Variants in DDX10 observed in about 807,000 individuals in gnomAD.
DDX10 encodes the protein probable ATP-dependent RNA helicase DDX10.
DDX10 carries 74 observed loss-of-function variants against 104.3 expected under a neutral mutation model. That is an observed-to-expected ratio of 0.71 (90% CI 0.59 to 0.86). DDX10 has a LOEUF of 0.86. Among genes scored for constraint, DDX10 ranks in the 40% least tolerant of loss-of-function variants. The pLI, the probability that DDX10 is intolerant of heterozygous loss-of-function variation, is 0.00. For missense variants in DDX10, 952 were observed against 1,040.0 expected (o/e 0.92, Z 1.16); for synonymous variants, 351 against 353.4 (o/e 0.99, Z 0.08).
intron 14 of DDX10, among the ~76,000 whole-genome samples, chr11:108,840,704 G>A (rs1183618734): frequency 1.3e-5 from 2 of 152,094 alleles, no homozygotes; most frequent in African/African-American, 4.8e-5. Flanking sequence ...CTCCTTTTCA[G>A]TTAGTTATTT....
intron 13 of DDX10, among the ~76,000 whole-genome samples, chr11:108,743,701 G>C (rs1380889439): frequency 1.3e-5 from 2 of 152,122 alleles, no homozygotes; most frequent in Non-Finnish European, 2.9e-5. Context: ...AAGGGTGTGC[G>C]TGCTAATTAC....
chr11:108,697,268 T>G (rs950595484), intron 9 of DDX10, among the ~76,000 whole-genome samples: 1 of 150,212 alleles, frequency 6.7e-6, no homozygotes, highest in Non-Finnish European at 1.5e-5. Flanking sequence ...TTGCCAATAA[T>G]GGGCTTAAAG....
chr11:108,805,626 A>G (rs1285290020), intron 13 of DDX10, among the ~76,000 whole-genome samples: 1 of 151,982 alleles, frequency 6.6e-6, no homozygotes, highest in Non-Finnish European at 1.5e-5. Flanking sequence ...CTTGTGTTAC[A>G]TTGCTGAGTT....
chr11:108,834,339 A>G (rs1395302337), intron 13 of DDX10, among the ~76,000 whole-genome samples: 2 of 152,066 alleles, frequency 1.3e-5, no homozygotes, highest in Non-Finnish European at 1.5e-5. Flanking sequence ...TAAGTTGCCA[A>G]TATCATTACA....
Position 108,838,484 on chromosome 11 carries a change from G to A in DDX10, c.2004G>A (p.Met668Ile), listed in dbSNP as rs755076845. 1.2e-6 allele frequency: 2 copies of A among 1,612,518 alleles called. No individual in the cohort carries two copies. Among genetic ancestry groups the A allele is most frequent in the African/African-American group, 2.7e-5 (2 of 74,844 alleles). The part of the protein sequence containing the change: ...EPSKSSIKKK[M>I]TKVAEAKKVM... ...CTAAATCCAGCATCAAGAAAAAAAT[G>A]ACCAAAGTTGCAGAAGCAAAAAAAG... The change falls in exon 14 of 18, where the codon ATG becomes ATA. Residue 668 changes from methionine (M) to isoleucine (I), a missense_variant. Physicochemically the swap from Met to Ile is conservative, Grantham distance 10. Around this residue, in one of 3 missense-constraint regions of DDX10, gnomAD observed 533 missense variants for 534.1 expected, o/e 1.00. Transcript: ENST00000322536.
At chr11:108,840,887 A>G (rs1315896851) in intron 14 of DDX10, among the ~76,000 whole-genome samples, 3 of 152,176 alleles carry the variant, frequency 2.0e-5, no homozygotes, top group Non-Finnish European at 2.9e-5. Context: ...ACGCAGTGCA[A>G]TGAACTTTGT....
chr11:108,736,903 C>T (rs780329315), intron 13 of DDX10, among the ~76,000 whole-genome samples: 2 of 152,148 alleles, frequency 1.3e-5, no homozygotes, highest in East Asian at 1.9e-4. Context: ...CCACCCTATA[C>T]CCCTAAAGGG....
chr11:108,902,365 C>T (rs1305921831), intron 16 of DDX10, among the ~76,000 whole-genome samples: 1 of 152,192 alleles, frequency 6.6e-6, no homozygotes, highest in Non-Finnish European at 1.5e-5. Flanking sequence ...CCTGAGCTAA[C>T]ATACCTTTGG....
intron 16 of DDX10, among the ~76,000 whole-genome samples, chr11:108,858,965 T>C (rs1862906372): frequency 6.6e-6 from 1 of 152,216 alleles, no homozygotes; most frequent in African/African-American, 2.4e-5. Flanking sequence ...TAAATATTTG[T>C]TGATTGACCA....
chr11:108,850,055 G>T (rs546439468), intron 15 of DDX10, among the ~76,000 whole-genome samples: 1 of 151,996 alleles, frequency 6.6e-6, no homozygotes, highest in Non-Finnish European at 1.5e-5. Flanking sequence ...AGAAAGAAAC[G>T]TTTTCTAATG....
intron 16 of DDX10, among the ~76,000 whole-genome samples, chr11:108,897,704 A>G (rs1220018710): frequency 6.6e-6 from 1 of 151,770 alleles, no homozygotes; most frequent in African/African-American, 2.4e-5. Context: ...TTTTTAAGAG[A>G]CAGTCTAAGG....
intron 9 of DDX10, among the ~76,000 whole-genome samples, chr11:108,695,477 C>G (rs780629231): frequency 1.3e-5 from 2 of 152,212 alleles, no homozygotes; most frequent in Admixed American, 6.5e-5. Context: ...TGCTTTACCA[C>G]CTGCCCTGTG....
intron 16 of DDX10, among the ~76,000 whole-genome samples, chr11:108,885,331 C>T (rs78984561): frequency 0.02 from 3,080 of 151,048 alleles, 112 homozygotes; most frequent in African/African-American, 0.069. Context: ...ATAGGCCTTC[C>T]GTGATTCCAT....
At chr11:108,853,458 C>G (rs1304789459) in intron 16 of DDX10, among the ~76,000 whole-genome samples, 1 of 151,710 alleles carries the variant, frequency 6.6e-6, no homozygotes, top group Non-Finnish European at 1.5e-5. Context: ...ACTGTATTTC[C>G]TTTGTGTTTA....
At position 108,679,478 on chromosome 11, in the gene DDX10, C is replaced by T. The variant is rs1195430465; in HGVS notation, c.766C>T (p.Gln256Ter). 1 of 1,613,820 alleles carries T rather than the reference C, an allele frequency of 6.2e-7. No homozygotes were observed. The highest frequency in any genetic ancestry group is 8.5e-7 in the Non-Finnish European group (1 of 1,179,996). Residue 256 changes from glutamine (Q) to a stop codon, truncating the protein, a stop_gained, in exon 6 of 18, where the codon CAA (glutamine) becomes TAA (stop). Transcript: ENST00000322536. LOFTEE classifies it high-confidence loss of function. ...TCAGACTTTACTTTTCTCAGCAACA[C>T]AAACTAAATCTGTAAAGGACCTTGC... is the stretch of plus-strand genomic sequence containing the variant. ...KRQTLLFSAT[Q>*]TKSVKDLARL...
At chr11:108,666,306 C>G (rs560579198) in intron 1 of DDX10, among the ~76,000 whole-genome samples, 6 of 152,024 alleles carry the variant, frequency 3.9e-5, no homozygotes, top group Admixed American at 3.9e-4. Flanking sequence ...GGTGAAACCC[C>G]GCCTCTACTA....
intron 13 of DDX10, among the ~76,000 whole-genome samples, chr11:108,804,119 G>A (rs1473030343): frequency 6.6e-6 from 1 of 152,116 alleles, no homozygotes; most frequent in Non-Finnish European, 1.5e-5. Flanking sequence ...TTTATTGAGG[G>A]CATTGTACAT....
At position 108,940,523 on chromosome 11, in the gene DDX10, C is replaced by A; in HGVS notation, c.*100C>A. On this transcript the variant is annotated 3_prime_UTR_variant, in exon 18 of 18. Transcript: ENST00000322536. ...TTGGGGGCACTTAGGTACCATATGC[C>A]CCATTCCCAAAGGGCACATTTCTGG... 8.2e-7 allele frequency: 1 copy of A among 1,221,134 alleles called. No individual in the cohort carries two copies. The highest frequency in any genetic ancestry group is 2.4e-5 in the East Asian group (1 of 41,588). The allele number at this position is 1,221,134 out of a possible 1,614,324, so 75.6% of individuals were successfully genotyped here.
intron 10 of DDX10, among the ~76,000 whole-genome samples, chr11:108,712,864 A>G (rs978100236): frequency 2.0e-5 from 3 of 151,780 alleles, no homozygotes; most frequent in Non-Finnish European, 4.4e-5. Context: ...TTCTACTGGC[A>G]ATAAGTTTTG....
Sources: allele counts gnomAD v4.1 joint callset (sites outside exome capture counted in the v4.1 genomes callset), GRCh38; gene constraint gnomAD v4.1.1; regional missense constraint gnomAD v4.1.1; transcripts MANE v1.5; gene names NCBI Gene and HGNC (gene_info 2026-07-23, HGNC 2026-07-21).